TANC1: variants seen among roughly 807,000 people sequenced by gnomAD.
The protein encoded by TANC1 is protein TANC1.
TANC1 carries 77 observed loss-of-function variants against 149.7 expected under a neutral mutation model. The observed-to-expected ratio is 0.51, with a 90% CI of 0.43 to 0.62. TANC1 has a LOEUF of 0.62. Ranked by LOEUF, TANC1 falls within the 20% of genes least tolerant of loss-of-function variation. The pLI is 0.00. For synonymous variants in TANC1, 854 were observed against 925.0 expected, an observed-to-expected ratio of 0.92 and a Z score of 1.39; for missense variants, 1,985 against 2,321.8, an observed-to-expected ratio of 0.85 and a Z score of 2.98.
At chr2:159,141,335 G>T (rs189346162) in intron 5 of TANC1, among the ~76,000 whole-genome samples, 1 of 152,226 alleles carries the variant, frequency 6.6e-6, no homozygotes, top group Non-Finnish European at 1.5e-5. Flanking sequence ...GAGTAGGATG[G>T]AGTGGGACTG....
chr2:159,185,140 A>G (rs757268712), intron 14 of TANC1, among the ~76,000 whole-genome samples: 3 of 152,230 alleles, frequency 2.0e-5, no homozygotes, highest in Non-Finnish European at 4.4e-5. Flanking sequence ...AGTCACTCCT[A>G]TTGGAATAAG....
chr2:159,022,815 G>T (rs1303461556), intron 2 of TANC1, among the ~76,000 whole-genome samples: 1 of 152,142 alleles, frequency 6.6e-6, no homozygotes, highest in East Asian at 1.9e-4. Flanking sequence ...TCATCAGCTT[G>T]GGAAGCACAC....
At chr2:159,080,761 G>A (rs1333498944) in intron 3 of TANC1, among the ~76,000 whole-genome samples, 1 of 152,138 alleles carries the variant, frequency 6.6e-6, no homozygotes, top group Non-Finnish European at 1.5e-5. Flanking sequence ...CCTTGAGGTG[G>A]AAGAGGCTAA....
At chr2:159,055,001 A>G (rs918478444) in intron 2 of TANC1, among the ~76,000 whole-genome samples, 4 of 152,228 alleles carry the variant, frequency 2.6e-5, no homozygotes, top group Admixed American at 6.5e-5. Flanking sequence ...CTCTACCTGT[A>G]TTCTGGGAGT....
At chr2:159,223,405 C>A (rs1468986126) in intron 22 of TANC1, among the ~76,000 whole-genome samples, 1 of 152,008 alleles carries the variant, frequency 6.6e-6, no homozygotes, top group African/African-American at 2.4e-5. Context: ...CTATTCCAGT[C>A]CTTTGCCCAT....
Position 159,229,726 on chromosome 2 carries a change from G to C in TANC1, c.4300G>C (p.Ala1434Pro). 6.2e-7 allele frequency: 1 copy of C among 1,613,970 alleles called. No homozygotes were observed. Among genetic ancestry groups the C allele is most frequent in the East Asian group, 2.2e-5 (1 of 44,858 alleles). ...GCAAAAACAGCAGGGCCCGCTACCAGCTCCACTCAACGACTCCGAGAACGA... is the reference window on the plus strand; with the variant it reads ...GCAAAAACAGCAGGGCCCGCTACCACCTCCACTCAACGACTCCGAGAACGA... Reference protein sequence around the residue: ...QQQKQQGPLPAPLNDSENEED... With the variant: ...QQQKQQGPLPPPLNDSENEED... Residue 1434 changes from alanine to proline, a missense_variant, in exon 27 of 27, where the codon GCT (alanine) becomes CCT (proline). Physicochemically the swap from Ala to Pro is conservative, Grantham distance 27. Coordinates refer to ENST00000263635, the MANE Select transcript of TANC1 (RefSeq NM_033394.3).
In TANC1 at chr2:159,166,135, C is replaced by A. The variant is rs1204607601; in HGVS notation, c.946+2589C>A. Reference sequence around the variant, plus strand: ...CCTCTTTCCTTTATTAAAAACAGACCTAGAAGCCTTTAAAGGTATGTTTTA... The same window carrying A: ...CCTCTTTCCTTTATTAAAAACAGACATAGAAGCCTTTAAAGGTATGTTTTA... On this transcript the variant is annotated intron_variant, in intron 8 of 26. Coordinates refer to ENST00000263635, the MANE Select transcript of TANC1 (RefSeq NM_033394.3). Among the ~76,000 whole-genome samples the A allele has an allele frequency of 6.6e-5, 10 of 152,086 alleles. 1 individual carries two copies.
At chr2:159,107,412 A>G (rs1380888160) in intron 4 of TANC1, among the ~76,000 whole-genome samples, 2 of 152,206 alleles carry the variant, frequency 1.3e-5, no homozygotes, top group African/African-American at 4.8e-5. Flanking sequence ...GTCATGTCCT[A>G]GTAACCGTTG....
At chr2:159,126,584 C>A (rs1410682974) in intron 4 of TANC1, among the ~76,000 whole-genome samples, 2 of 152,190 alleles carry the variant, frequency 1.3e-5, no homozygotes, top group Non-Finnish European at 2.9e-5. Flanking sequence ...ACATAACCTG[C>A]TCTTGGTTGG....
chr2:159,000,129 T>C (rs1048272608), intron 1 of TANC1, among the ~76,000 whole-genome samples: 1 of 151,614 alleles, frequency 6.6e-6, no homozygotes, highest in Non-Finnish European at 1.5e-5. Context: ...GGGAGTTGGG[T>C]TGGGGTAGGG....
At chr2:159,046,850 T>A (rs1266664829) in intron 2 of TANC1, among the ~76,000 whole-genome samples, 1 of 152,032 alleles carries the variant, frequency 6.6e-6, no homozygotes, top group East Asian at 1.9e-4. Context: ...GCGATCCACT[T>A]GCCTCGGCCT....
chr2:159,043,988 T>A (rs1404843658), intron 2 of TANC1, among the ~76,000 whole-genome samples: 1 of 152,200 alleles, frequency 6.6e-6, no homozygotes, highest in Non-Finnish European at 1.5e-5. Context: ...TTCTACAGAC[T>A]GTCCTGTTAA....
At chr2:159,133,458 G>A (rs577605855) in intron 4 of TANC1, among the ~76,000 whole-genome samples, 2 of 151,216 alleles carry the variant, frequency 1.3e-5, no homozygotes, top group East Asian at 3.9e-4. Context: ...GGGCTTACAA[G>A]ACCCTCCTAC....
At chr2:159,014,373 G>A (rs1574121815) in intron 2 of TANC1, among the ~76,000 whole-genome samples, 1 of 152,236 alleles carries the variant, frequency 6.6e-6, no homozygotes, top group Middle Eastern at 3.4e-3. Context: ...GAACAGTATG[G>A]GGGAAACTGC....
chr2:159,059,931 G>GTGTGTGTGTGGT (rs2042118015), intron 2 of TANC1, among the ~76,000 whole-genome samples: 1 of 38,698 alleles, frequency 2.6e-5, no homozygotes, highest in Non-Finnish European at 5.6e-5. Flanking sequence ...TGTGTGTGTG[G>GTGTGTGTGTGGT]TTTTTTGTTG....
chr2:159,199,574 C>T (rs1253372892), intron 19 of TANC1, among the ~76,000 whole-genome samples: 3 of 152,238 alleles, frequency 2.0e-5, no homozygotes, highest in Non-Finnish European at 2.9e-5. Context: ...TTGGTCTTTA[C>T]AGTGAGAAGC....
chr2:158,997,590 A>G (rs977102914), intron 1 of TANC1, among the ~76,000 whole-genome samples: 1 of 152,214 alleles, frequency 6.6e-6, no homozygotes, highest in East Asian at 1.9e-4. Context: ...CATTGTCAGA[A>G]AATAAGGAAG....
intron 4 of TANC1, among the ~76,000 whole-genome samples, chr2:159,116,801 C>T (rs1014356121): frequency 3.3e-5 from 5 of 152,204 alleles, no homozygotes; most frequent in African/African-American, 9.7e-5. Flanking sequence ...GTGCTAGACA[C>T]TGCATGAACA....
chr2:159,118,480 G>A (rs1175807460), intron 4 of TANC1, among the ~76,000 whole-genome samples: 1 of 152,176 alleles, frequency 6.6e-6, no homozygotes, highest in African/African-American at 2.4e-5. Flanking sequence ...GTGTGATTCA[G>A]GAGTATGCAA....
Sources: allele counts gnomAD v4.1 joint callset (sites outside exome capture counted in the v4.1 genomes callset), GRCh38; gene constraint gnomAD v4.1.1; transcripts MANE v1.5; gene names NCBI Gene and HGNC (gene_info 2026-07-23, HGNC 2026-07-21).